The following NFIB variants were observed in gnomAD, a reference collection of about 807,000 sequenced individuals.
The protein encoded by NFIB is nuclear factor I B.
Under a neutral mutation model 61.5 loss-of-function variants are expected in NFIB, and 11 were observed. That is an observed-to-expected ratio of 0.18 (90% CI 0.11 to 0.30). The LOEUF (loss-of-function observed/expected upper bound fraction) is 0.30, where lower values mean the gene tolerates loss of function less well. Among genes scored for constraint, NFIB ranks in the 10% least tolerant of loss-of-function variants. The pLI is 1.00. For synonymous variants in NFIB, 260 were observed against 216.5 expected (o/e 1.20, Z -1.76); for missense variants, 471 against 608.9 (o/e 0.77, Z 2.38).
chr9:14,327,087 A>G (rs2060762837), intron 1 of NFIB, among the ~76,000 whole-genome samples: 1 of 142,430 alleles, frequency 7.0e-6, no homozygotes, highest in Non-Finnish European at 1.5e-5. Context: ...TTCTGAAACA[A>G]CAGAATTACT....
At chr9:14,360,165 T>C (rs2061221862) in intron 1 of NFIB, among the ~76,000 whole-genome samples, 1 of 152,194 alleles carries the variant, frequency 6.6e-6, no homozygotes, top group Non-Finnish European at 1.5e-5. Flanking sequence ...ACTTAAGACC[T>C]ACCTGAATTC....
At chr9:14,429,830 C>G in the NFIB span, among the ~76,000 whole-genome samples, 1 of 152,094 alleles carries the variant, frequency 6.6e-6, no homozygotes, top group African/African-American at 2.4e-5. Flanking sequence ...CATTCAGATT[C>G]TGATGTAATA....
Position 14,338,321 on chromosome 9 carries a change from G to A in NFIB, c.109-30801C>T, listed in dbSNP as rs533661978. 6.1e-4 allele frequency among the ~76,000 whole-genome samples: 93 copies of A among 152,282 alleles called. No individual in the cohort carries two copies. In the South Asian group the frequency reaches 0.017, roughly 29 times the overall value. On this transcript the variant is annotated intron_variant, in intron 1 of 8. Transcript: ENST00000380934. ...AGGCAGGAGAATGGCGTGAACCCGG[G>A]AGGCGGAGGTTGCAGTGAGCAGAGA...
chr9:14,321,106 A>G (rs1297198834), intron 1 of NFIB, among the ~76,000 whole-genome samples: 2 of 152,126 alleles, frequency 1.3e-5, no homozygotes, highest in East Asian at 1.9e-4. Flanking sequence ...GCCCCCTTCA[A>G]TCTGAAAGCT....
At chr9:14,311,560 G>C (rs577036243) in intron 1 of NFIB, among the ~76,000 whole-genome samples, 136 of 151,932 alleles carry the variant, frequency 9.0e-4, no homozygotes, top group African/African-American at 3.2e-3. Context: ...TTGTTGTTAA[G>C]TGTGTATCTC....
At chr9:14,518,000 G>T in the NFIB span, among the ~76,000 whole-genome samples, 2 of 152,188 alleles carry the variant, frequency 1.3e-5, no homozygotes, top group African/African-American at 4.8e-5. Flanking sequence ...CTTCTAACTA[G>T]ATGTAAACTC....
intron 7 of NFIB, among the ~76,000 whole-genome samples, chr9:14,123,478 G>A (rs1297932812): frequency 7.9e-5 from 12 of 151,972 alleles, no homozygotes; most frequent in Non-Finnish European, 1.5e-4. Context: ...TAACTTCTCC[G>A]CTAAAATTAT....
At chr9:14,275,995 T>A (rs1443789345) in intron 2 of NFIB, among the ~76,000 whole-genome samples, 2 of 152,016 alleles carry the variant, frequency 1.3e-5, no homozygotes, top group East Asian at 3.9e-4. Context: ...CTCTCAAGCA[T>A]ATATGGATAG....
At chr9:14,329,463 C>A (rs2132845271) in intron 1 of NFIB, among the ~76,000 whole-genome samples, 1 of 152,244 alleles carries the variant, frequency 6.6e-6, no homozygotes, top group East Asian at 1.9e-4. Context: ...ACACCTGACC[C>A]CCCTGCAAAT....
At chr9:14,472,871 G>T in the NFIB span, among the ~76,000 whole-genome samples, 8 of 152,102 alleles carry the variant, frequency 5.3e-5, no homozygotes, top group East Asian at 1.5e-3. Context: ...AAAAAGGATT[G>T]GTCTGCAACA....
At chr9:14,423,374 G>C in the NFIB span, among the ~76,000 whole-genome samples, 5 of 152,320 alleles carry the variant, frequency 3.3e-5, no homozygotes, top group African/African-American at 1.2e-4. Context: ...TGTAAATCAA[G>C]CCCTCTTACA....
chr9:14,287,669 C>T (rs1201750474), intron 2 of NFIB, among the ~76,000 whole-genome samples: 1 of 151,926 alleles, frequency 6.6e-6, no homozygotes, highest in African/African-American at 2.4e-5. Context: ...ATCCGCCTGC[C>T]TCAGCCTCCC....
intron 1 of NFIB, among the ~76,000 whole-genome samples, chr9:14,308,278 T>C (rs1387514418): frequency 1.3e-5 from 2 of 152,156 alleles, no homozygotes; most frequent in Non-Finnish European, 2.9e-5. Flanking sequence ...AAGGTTTCCA[T>C]ACTTTGAGCA....
chr9:14,399,262 A>T (rs1693304391), upstream of NFIB, among the ~76,000 whole-genome samples: 1 of 152,256 alleles, frequency 6.6e-6, no homozygotes, highest in African/African-American at 2.4e-5. Context: ...CTCACATTAT[A>T]TATTTCCATT....
At chr9:14,291,222 G>A (rs2059073220) in intron 2 of NFIB, among the ~76,000 whole-genome samples, 3 of 152,004 alleles carry the variant, frequency 2.0e-5, no homozygotes, top group South Asian at 2.1e-4. Flanking sequence ...GGTGGCTCAC[G>A]CCTGTAATCC....
At chr9:14,150,769 G>C (rs1411975726) in intron 4 of NFIB, among the ~76,000 whole-genome samples, 1 of 151,936 alleles carries the variant, frequency 6.6e-6, no homozygotes. Flanking sequence ...TTAATATCAT[G>C]ACTTCTAATC....
intron 2 of NFIB, among the ~76,000 whole-genome samples, chr9:14,225,330 G>A (rs1223609003): frequency 6.6e-6 from 1 of 151,772 alleles, no homozygotes; most frequent in Non-Finnish European, 1.5e-5. Context: ...TCCTCCTCAA[G>A]AAGAAAATAG....
intron 1 of NFIB, among the ~76,000 whole-genome samples, chr9:14,381,051 G>T: frequency 8.1e-6 from 1 of 122,836 alleles, no homozygotes; most frequent in Non-Finnish European, 1.6e-5. Context: ...TCCAGCCTGG[G>T]CAACAGAGCG....
intron 2 of NFIB, among the ~76,000 whole-genome samples, chr9:14,212,324 A>G (rs2050400543): frequency 6.6e-6 from 1 of 152,224 alleles, no homozygotes; most frequent in African/African-American, 2.4e-5. Flanking sequence ...TTGCTCATGC[A>G]CTTTTGTTGC....
Sources: allele counts gnomAD v4.1 joint callset (sites outside exome capture counted in the v4.1 genomes callset), GRCh38; gene constraint gnomAD v4.1.1; transcripts MANE v1.5; gene names NCBI Gene and HGNC (gene_info 2026-07-23, HGNC 2026-07-21).